Variants in SEL1L2 observed in about 807,000 individuals in gnomAD.
SEL1L2 encodes SEL1L2 adaptor subunit of SYVN1 ubiquitin ligase.
In SEL1L2, 89 loss-of-function variants were observed where a neutral mutation model predicts 98.8. The ratio of observed to expected loss-of-function variants is 0.90; its 90% CI spans 0.76 to 1.07. The LOEUF is 1.07. Among genes scored for constraint, SEL1L2 ranks in the 50% least tolerant of loss-of-function variants. The pLI is 0.00. For missense variants in SEL1L2, 788 were observed against 812.0 expected, an observed-to-expected ratio of 0.97 and a Z score of 0.36; for synonymous variants, 262 against 278.5, an observed-to-expected ratio of 0.94 and a Z score of 0.59.
intron 1 of SEL1L2, among the ~76,000 whole-genome samples, chr20:13,985,036 T>C (rs932448087): frequency 2.0e-5 from 3 of 152,168 alleles, no homozygotes; most frequent in African/African-American, 7.2e-5. Flanking sequence ...TATAGAACCC[T>C]AGAACTTATT....
intron 4 of SEL1L2, 83 bp from the exon 5 acceptor site, chr20:13,914,027 C>T: frequency 8.2e-7 from 1 of 1,218,138 alleles, no homozygotes; most frequent in Non-Finnish European, 1.1e-6. Context: ...TACTACTTCT[C>T]TCTAACAAGC....
intron 1 of SEL1L2, among the ~76,000 whole-genome samples, chr20:13,986,615 T>A (rs909564852): frequency 6.6e-6 from 1 of 152,236 alleles, no homozygotes; most frequent in Non-Finnish European, 1.5e-5. Context: ...TGTATGTATA[T>A]TCCAATGTAT....
At chr20:13,902,174 C>T (rs1002533756) in intron 5 of SEL1L2, among the ~76,000 whole-genome samples, 14 of 152,076 alleles carry the variant, frequency 9.2e-5, no homozygotes, top group African/African-American at 3.4e-4. Flanking sequence ...TTAGCTAGTA[C>T]TCAATTTGGT....
chr20:13,902,111 T>C (rs1001379160), intron 5 of SEL1L2, among the ~76,000 whole-genome samples: 2 of 152,164 alleles, frequency 1.3e-5, no homozygotes, highest in Admixed American at 6.6e-5. Context: ...TAAACTGACA[T>C]GGCACACTAG....
chr20:13,979,206 G>C (rs60943288), intron 1 of SEL1L2, among the ~76,000 whole-genome samples: 23,043 of 152,142 alleles, frequency 0.15, 1,916 homozygotes, highest in Admixed American at 0.22. Context: ...TGAAAGAATT[G>C]AGCTCATATA....
intron 2 of SEL1L2, among the ~76,000 whole-genome samples, chr20:13,947,360 G>A (rs1372504079): frequency 6.6e-6 from 1 of 152,104 alleles, no homozygotes; most frequent in African/African-American, 2.4e-5. Context: ...GGGATGACCT[G>A]CCTGCAGATG....
rs574516918 is a variant in SEL1L2 at position 13,849,405 on chromosome 20, T to C, written c.*80A>G. ...GGGAAACTGCAGCGGACTCTTGATT[T>C]GGATGGGAAACTGTTTATTTAGTGG... On this transcript the variant is annotated 3_prime_UTR_variant, in exon 20 of 20. Coordinates refer to ENST00000284951, the MANE Select transcript of SEL1L2 (RefSeq NM_025229.2). 8.6e-5 allele frequency: 133 copies of C among 1,549,370 alleles called. No homozygotes were observed. The East Asian group carries it at 3.0e-3, about 35-fold the overall frequency.
chr20:13,943,632 C>T (rs1194185721), intron 2 of SEL1L2, among the ~76,000 whole-genome samples: 2 of 152,036 alleles, frequency 1.3e-5, no homozygotes, highest in African/African-American at 4.8e-5. Flanking sequence ...ATTGTAGTGA[C>T]TAATCAAGAG....
At chr20:13,872,205 G>A (rs998482705) in intron 12 of SEL1L2, among the ~76,000 whole-genome samples, 2 of 152,182 alleles carry the variant, frequency 1.3e-5, no homozygotes, top group African/African-American at 4.8e-5. Flanking sequence ...CAGTGTGATG[G>A]ATGTGGCAAA....
chr20:13,964,832 CCT>C (rs2050965217), intron 1 of SEL1L2, among the ~76,000 whole-genome samples: 1 of 152,064 alleles, frequency 6.6e-6, no homozygotes, highest in Non-Finnish European at 1.5e-5. Flanking sequence ...CCAGTAATGA[CCT>C]CTTTTTCTTG....
intron 19 of SEL1L2, among the ~76,000 whole-genome samples, chr20:13,849,855 C>T (rs1987932955): frequency 1.3e-5 from 2 of 152,156 alleles, no homozygotes; most frequent in African/African-American, 2.4e-5. Flanking sequence ...GTATCCCTTG[C>T]CACCTGCCGT....
upstream of SEL1L2, among the ~76,000 whole-genome samples, chr20:13,990,797 C>G (rs894210150): frequency 3.9e-5 from 6 of 152,206 alleles, no homozygotes; most frequent in African/African-American, 1.4e-4. Context: ...GGGTGGCTCT[C>G]TAACATGAAA....
intron 5 of SEL1L2, among the ~76,000 whole-genome samples, chr20:13,898,392 A>G (rs910024266): frequency 5.9e-5 from 9 of 152,210 alleles, no homozygotes; most frequent in African/African-American, 1.9e-4. Context: ...GGCTGAAAAC[A>G]GGAGTATTAG....
chr20:13,891,388 G>T (rs1431213893), intron 5 of SEL1L2, among the ~76,000 whole-genome samples: 1 of 152,132 alleles, frequency 6.6e-6, no homozygotes, highest in Non-Finnish European at 1.5e-5. Flanking sequence ...AGCTGTCCAG[G>T]CCAGGCGCAG....
At chr20:13,866,361 G>T (rs992804419) in intron 15 of SEL1L2, among the ~76,000 whole-genome samples, 2 of 152,134 alleles carry the variant, frequency 1.3e-5, no homozygotes, top group Admixed American at 6.6e-5. Context: ...TAGCCTTTTG[G>T]TTCCCAAGTA....
At chr20:13,968,870 T>C (rs1377620805) in intron 1 of SEL1L2, among the ~76,000 whole-genome samples, 1 of 152,184 alleles carries the variant, frequency 6.6e-6, no homozygotes, top group Non-Finnish European at 1.5e-5. Flanking sequence ...GAAATTACAT[T>C]CCAATGTTGA....
chr20:13,882,814 T>C (rs928908466), intron 10 of SEL1L2, among the ~76,000 whole-genome samples: 15 of 87,278 alleles, frequency 1.7e-4, no homozygotes, highest in South Asian at 4.3e-4. Flanking sequence ...CAATTTGTCT[T>C]TTTTTTTTTT....
intron 2 of SEL1L2, among the ~76,000 whole-genome samples, chr20:13,952,759 GT>G (rs1229445011): frequency 2.9e-5 from 2 of 70,166 alleles, no homozygotes; most frequent in Non-Finnish European, 7.5e-5. Flanking sequence ...GCTGGGCGCG[GT>G]GCCTGGACGC....
Position 13,862,282 on chromosome 20 carries a change from C to G in SEL1L2, c.1646-2848G>C, listed in dbSNP as rs568626431. ...ACTTTTTAAGATCTGAGACTTCAGT[C>G]TTTGAAGTCCACTTAGGGATGACCC... On this transcript the variant is annotated intron_variant, in intron 17 of 19. Transcript: ENST00000284951. Among the ~76,000 whole-genome samples, 29 of 152,254 alleles carry G rather than the reference C, an allele frequency of 1.9e-4. 1 individual carries two copies. In the South Asian group the frequency reaches 3.9e-3, roughly 21 times the overall value.
Sources: gnomAD v4.1 joint callset for allele counts (sites outside exome capture counted in the v4.1 genomes callset) on GRCh38, gnomAD v4.1.1 for gene constraint, MANE v1.5 for transcripts, NCBI Gene and HGNC (gene_info 2026-07-23, HGNC 2026-07-21) for gene names.